SETD5: variants seen among roughly 807,000 people sequenced by gnomAD.
The protein encoded by SETD5 is SET domain containing 5.
Under a neutral mutation model 153.3 loss-of-function variants are expected in SETD5, and 44 were observed. The observed-to-expected ratio is 0.29, with a 90% CI of 0.23 to 0.37. The LOEUF is 0.37. Ranked by LOEUF, SETD5 falls within the 10% of genes least tolerant of loss-of-function variation. The pLI is 1.00. For missense variants in SETD5, 1,544 were observed against 1,768.0 expected (o/e 0.87, Z 2.27); for synonymous variants, 716 against 645.2 (o/e 1.11, Z -1.66).
At chr3:9,398,857 G>A (rs945676145) in intron 1 of SETD5, among the ~76,000 whole-genome samples, 1 of 152,204 alleles carries the variant, frequency 6.6e-6, no homozygotes, top group African/African-American at 2.4e-5. Flanking sequence ...GTCCTTGCTT[G>A]TCTCACTTCT....
intron 2 of SETD5, chr3:9,426,301 C>G (rs1338940244): frequency 7.7e-6 from 1 of 130,128 alleles, no homozygotes; most frequent in Non-Finnish European, 1.5e-5. Context: ...GTGGCATGAT[C>G]TCAGCTCACT....
chr3:9,419,758 G>A (rs1427196561), intron 1 of SETD5, among the ~76,000 whole-genome samples: 1 of 152,040 alleles, frequency 6.6e-6, no homozygotes, highest in Non-Finnish European at 1.5e-5. Context: ...TTCATCGGTT[G>A]GAGAAATTTT....
rs2040352691 is a variant in SETD5 at position 9,434,730 on chromosome 3, G to A, written c.330-94G>A. On this transcript the variant is annotated intron_variant, in intron 5 of 22. Transcript: ENST00000402198. The surrounding 1 kb of genome is among the most constrained non-coding windows in gnomAD (Gnocchi z 5.6). The stretch of plus-strand genomic sequence containing the variant: ...GGAAACATTTGGTAGGTGGGAGGGA[G>A]GGGGTAGCATATGCAGAGACACTTC... 1 of 1,478,162 alleles carries A rather than the reference G, an allele frequency of 6.8e-7. No individual in the cohort carries two copies. The highest frequency in any genetic ancestry group is 1.4e-5 in the South Asian group (1 of 72,432). The allele number at this position is 1,478,162 out of a possible 1,614,324, so 91.6% of individuals were successfully genotyped here.
intron 16 of SETD5, among the ~76,000 whole-genome samples, chr3:9,448,906 C>T (rs901667792): frequency 6.6e-6 from 1 of 152,140 alleles, no homozygotes; most frequent in Non-Finnish European, 1.5e-5. Flanking sequence ...TGAGTGAGAG[C>T]ACACAGCAGT....
intron 2 of SETD5, among the ~76,000 whole-genome samples, chr3:9,426,477 A>G (rs1164718888): frequency 6.6e-6 from 1 of 150,730 alleles, no homozygotes; most frequent in African/African-American, 2.4e-5. Flanking sequence ...GCTCACTGCA[A>G]CCTCCACCTC....
chr3:9,419,630 TAAAC>T (rs1205094968), intron 1 of SETD5, among the ~76,000 whole-genome samples: 3 of 152,214 alleles, frequency 2.0e-5, no homozygotes, highest in African/African-American at 4.8e-5. Flanking sequence ...ATTACTATAA[TAAAC>T]AAGCTATATA....
intron 17 of SETD5, among the ~76,000 whole-genome samples, chr3:9,455,770 A>G (rs890357306): frequency 3.3e-5 from 5 of 152,186 alleles, no homozygotes; most frequent in Non-Finnish European, 7.3e-5. Context: ...AGGAGATTGC[A>G]TAGCAGTTCA....
intron 7 of SETD5, among the ~76,000 whole-genome samples, chr3:9,437,952 G>A (rs958739968): frequency 1.3e-5 from 2 of 150,982 alleles, no homozygotes; most frequent in African/African-American, 4.9e-5. Context: ...GTAGTGAGCC[G>A]AGATCACGCC....
At chr3:9,445,879 A>T in intron 13 of SETD5, 139 bp downstream of exon 13, 1 of 379,184 alleles carries the variant, frequency 2.6e-6, no homozygotes, top group Non-Finnish European at 4.6e-6. Flanking sequence ...CGTAATAAAG[A>T]TTTTATTATA....
At chr3:9,399,564 A>G (rs1329645915) in intron 1 of SETD5, among the ~76,000 whole-genome samples, 1 of 152,184 alleles carries the variant, frequency 6.6e-6, no homozygotes, top group African/African-American at 2.4e-5. Flanking sequence ...TAGAAAAATG[A>G]ATTATGCCCT....
chr3:9,430,633 C>A, intron 3 of SETD5: 1 of 210,806 alleles, frequency 4.7e-6, no homozygotes, highest in Non-Finnish European at 8.2e-6. Context: ...GATTGTCTAA[C>A]TGTATAGATA....
intron 18 of SETD5, among the ~76,000 whole-genome samples, chr3:9,466,976 C>T (rs941908231): frequency 1.3e-5 from 2 of 151,982 alleles, no homozygotes; most frequent in Non-Finnish European, 2.9e-5. Context: ...CTGCAGTGAG[C>T]CATTATTGTG....
In SETD5 at chr3:9,447,275, G is replaced by A. The variant is rs779618677; in HGVS notation, c.1750G>A (p.Gly584Ser). 20 of 1,613,778 alleles carry A rather than the reference G, an allele frequency of 1.2e-5. No individual in the cohort carries two copies. Among genetic ancestry groups the A allele is most frequent in the Non-Finnish European group, 1.5e-5 (18 of 1,179,866 alleles). The change falls in exon 14 of 23, where the codon GGT becomes AGT. Residue 584 changes from glycine (G) to serine (S), a missense_variant. This residue lies in a region of SETD5 where 782 missense variants were observed against 787.2 expected (regional missense o/e 0.99). Coordinates refer to ENST00000402198, the MANE Select transcript of SETD5 (RefSeq NM_001080517.3). ...CATCCCAAGCACCCCACAGAGTGTT[G>A]GTGTGAATACCCGGAGGTCTTCCCA... ...VTIPSTPQSV[G>S]VNTRRSSQAG...
rs1441481851 is a variant in SETD5 at position 9,427,482 on chromosome 3, G to A, written c.-116-1341G>A. Among the ~76,000 whole-genome samples, 17 of 152,304 alleles carry A rather than the reference G, an allele frequency of 1.1e-4. No individual in the cohort carries two copies. In the East Asian group the frequency reaches 1.9e-3, roughly 17 times the overall value. On this transcript the variant is annotated intron_variant, in intron 2 of 22. Transcript: ENST00000402198. ...GGAGAATCTCTTGAAGCCAGGAGGC[G>A]GAGGTTGTAGTGAGCCAAGATTGCG...
chr3:9,418,860 C>G (rs1368093462), intron 1 of SETD5, among the ~76,000 whole-genome samples: 2 of 151,248 alleles, frequency 1.3e-5, no homozygotes, highest in Non-Finnish European at 3.0e-5. Context: ...AGATAACTTT[C>G]ATTTTAGGGT....
rs372624406 is a variant in SETD5 at position 9,435,703 on chromosome 3, G to A, written c.389-25G>A. On this transcript the variant is annotated intron_variant, in intron 6 of 22. Transcript: ENST00000402198. ...TGTACTTTTGAGGCTATTAGTACCT[G>A]AACTATGAAATCATCATTTTTCAGG... The A allele has an allele frequency of 1.7e-5, 26 of 1,546,218 alleles. No individual in the cohort carries two copies. In the African/African-American group the frequency reaches 3.2e-4, roughly 19 times the overall value.
intron 18 of SETD5, among the ~76,000 whole-genome samples, chr3:9,465,537 C>T (rs1308592947): frequency 3.9e-5 from 6 of 152,304 alleles, no homozygotes; most frequent in East Asian, 3.9e-4. Flanking sequence ...TTGCACTTCT[C>T]CAGATGTGTT....
chr3:9,461,470 G>T (rs1000712024), intron 17 of SETD5, among the ~76,000 whole-genome samples: 13 of 152,142 alleles, frequency 8.5e-5, no homozygotes, highest in Admixed American at 3.9e-4. Context: ...TTTTCAGGTT[G>T]TGTATGTGCT....
chr3:9,467,799 C>T (rs115104912), intron 18 of SETD5, among the ~76,000 whole-genome samples: 2,432 of 152,094 alleles, frequency 0.016, 57 homozygotes, highest in African/African-American at 0.055. Context: ...AAAGTCCTAC[C>T]CTCTGTAGGA....
Sources: allele counts gnomAD v4.1 joint callset (sites outside exome capture counted in the v4.1 genomes callset), GRCh38; gene constraint gnomAD v4.1.1; regional missense constraint gnomAD v4.1.1; non-coding constraint Gnocchi (gnomAD v3.1); transcripts MANE v1.5; gene names NCBI Gene and HGNC (gene_info 2026-07-23, HGNC 2026-07-21).